Variants in TTC1 observed in about 807,000 individuals in gnomAD.
TTC1 encodes the protein tetratricopeptide repeat protein 1.
A neutral mutation model predicts 37.6 loss-of-function variants in TTC1; 31 were observed. That is an observed-to-expected ratio of 0.82 (90% CI 0.62 to 1.11). The LOEUF is 1.11. Among genes scored for constraint, TTC1 ranks in the 50% most tolerant of loss-of-function variants. The pLI is 0.00. For missense variants in TTC1, 351 were observed against 339.0 expected, an observed-to-expected ratio of 1.04 and a Z score of -0.28; for synonymous variants, 127 against 122.4, an observed-to-expected ratio of 1.04 and a Z score of -0.25.
At chr5:160,064,675 A>C (rs868387896) in intron 7 of TTC1, among the ~76,000 whole-genome samples, 1 of 152,150 alleles carries the variant, frequency 6.6e-6, no homozygotes, top group Non-Finnish European at 1.5e-5. Context: ...TGATTCCCAG[A>C]GAGAGCCAGC....
In TTC1 at chr5:160,023,645, T is replaced by C; in HGVS notation, c.331-11495T>C. 4.7e-6 allele frequency: 5 copies of C among 1,062,248 alleles called. 1 individual carries two copies. The South Asian group carries it at 7.2e-5, about 15-fold the overall frequency. The allele number at this position is 1,062,248 out of a possible 1,614,324, so 65.8% of individuals were successfully genotyped here. On this transcript the variant is annotated intron_variant, in intron 2 of 7. Transcript: ENST00000231238. ...ACAGATCCAGATGGACACAGGTGAC[T>C]AAGCTTCCAAATACAAGGCTCAATG... is the stretch of plus-strand genomic sequence containing the variant.
At position 160,035,152 on chromosome 5, in the gene TTC1, G is replaced by T; in HGVS notation, c.343G>T (p.Glu115Ter). ...SDEEKQKRRE[E>*]STRLKEEGNE... ...TGATGTCTTTCAGAAAAGAAGAGAA[G>T]AGAGCACTAGACTAAAGGAGGAGGG... Residue 115 changes from glutamate to a stop codon, truncating the protein, a stop_gained, in exon 3 of 8, where the codon GAG becomes TAG. Transcript: ENST00000231238. LOFTEE classifies it high-confidence loss of function. 1 of 1,600,898 alleles carries T rather than the reference G, an allele frequency of 6.2e-7. No homozygotes were observed. The highest frequency in any genetic ancestry group is 1.1e-5 in the South Asian group (1 of 87,980).
At chr5:160,041,042 C>T (rs1189347566) in intron 4 of TTC1, among the ~76,000 whole-genome samples, 2 of 151,810 alleles carry the variant, frequency 1.3e-5, no homozygotes, top group Non-Finnish European at 2.9e-5. Context: ...GCATCAGTAT[C>T]ACTGTCTTCC....
chr5:160,052,595 A>G (rs188499662), intron 7 of TTC1, among the ~76,000 whole-genome samples: 1 of 134,038 alleles, frequency 7.5e-6, no homozygotes, highest in Non-Finnish European at 1.6e-5. Flanking sequence ...TTAGTATTTG[A>G]ATTTCTTGCT....
chr5:160,010,965 C>G (rs1466828230), intron 2 of TTC1, 107 bp downstream of exon 2: 14 of 1,093,364 alleles, frequency 1.3e-5, no homozygotes, highest in Non-Finnish European at 1.8e-5. Flanking sequence ...ATAACTTGCC[C>G]CTTTGTCTTC....
At chr5:160,032,985 A>G (rs1756938722) in intron 2 of TTC1, among the ~76,000 whole-genome samples, 1 of 151,874 alleles carries the variant, frequency 6.6e-6, no homozygotes, top group Admixed American at 6.6e-5. Flanking sequence ...CAGCCTCCCA[A>G]AGTGCTGGGA....
intron 2 of TTC1, among the ~76,000 whole-genome samples, chr5:160,021,129 C>T (rs2176830): frequency 0.084 from 12,839 of 151,948 alleles, 710 homozygotes; most frequent in Admixed American, 0.18. Flanking sequence ...TGTGTCTAAG[C>T]ATCACAGGAA....
rs1023083093 is a variant in TTC1 at position 160,057,381 on chromosome 5, C to G, written c.745+6198C>G. 6.6e-6 allele frequency among the ~76,000 whole-genome samples: 1 copy of G among 151,486 alleles called. No homozygotes were observed. Among genetic ancestry groups the G allele is most frequent in the African/African-American group, 2.4e-5 (1 of 41,212 alleles). ...TATGTTTATATAATACTGTAGTCTA[C>G]TAAGTATGCAACAGCACTGTGTCTA... On this transcript the variant is annotated intron_variant, in intron 7 of 7. Coordinates refer to ENST00000231238, the MANE Select transcript of TTC1 (RefSeq NM_003314.3). This position sits in a 1 kb window ranked among gnomAD's most constrained non-coding sequence, Gnocchi z 4.4.
At chr5:160,036,904 C>A in intron 4 of TTC1, 101 bp downstream of exon 4, 1 of 741,750 alleles carries the variant, frequency 1.3e-6, no homozygotes, top group East Asian at 2.7e-5. Flanking sequence ...TGCTGCCTCC[C>A]TTTTCCTGCC....
At chr5:160,031,090 A>T (rs1182450095) in intron 2 of TTC1, among the ~76,000 whole-genome samples, 1 of 152,170 alleles carries the variant, frequency 6.6e-6, no homozygotes, top group Non-Finnish European at 1.5e-5. Flanking sequence ...AAAAAACTCC[A>T]GTCTTTGTAC....
intron 4 of TTC1, among the ~76,000 whole-genome samples, chr5:160,040,649 G>A (rs980769890): frequency 2.0e-5 from 3 of 152,018 alleles, no homozygotes; most frequent in Non-Finnish European, 4.4e-5. Context: ...CACAGTCATC[G>A]CTCACTACAG....
At chr5:160,016,260 C>T (rs1581092432) in intron 2 of TTC1, among the ~76,000 whole-genome samples, 1 of 152,072 alleles carries the variant, frequency 6.6e-6, no homozygotes, top group East Asian at 1.9e-4. Context: ...CACCTATAGT[C>T]CCAGCTACTT....
chr5:160,046,472 C>T (rs1228474244), intron 5 of TTC1, among the ~76,000 whole-genome samples: 1 of 152,032 alleles, frequency 6.6e-6, no homozygotes, highest in South Asian at 2.1e-4. Flanking sequence ...CTTAGTTGAG[C>T]GTGGGACCCT....
intron 2 of TTC1, among the ~76,000 whole-genome samples, chr5:160,016,818 G>A (rs1756614908): frequency 6.6e-6 from 1 of 152,134 alleles, no homozygotes; most frequent in African/African-American, 2.4e-5. Context: ...GTTTCTTGTT[G>A]GACACAACCA....
At position 160,065,309 on chromosome 5, in the gene TTC1, G is replaced by A. The variant is rs1252978311; in HGVS notation, c.*244G>A. ...CTGTGCAGCTGGTGTCCCCGATTCT[G>A]GCTGTCCTATGTCCAGGAAGAAGCC... On this transcript the variant is annotated 3_prime_UTR_variant, in exon 8 of 8. Transcript: ENST00000231238. The A allele has an allele frequency of 1.6e-6, 1 of 639,732 alleles. No homozygotes were observed. Among genetic ancestry groups the A allele is most frequent in the Admixed American group, 2.1e-5 (1 of 47,318 alleles). 39.6% of individuals were successfully genotyped at this position (639,732 alleles called of 1,614,324 possible).
chr5:160,039,102 T>A (rs1474223057), intron 4 of TTC1: 1 of 152,160 alleles, frequency 6.6e-6, no homozygotes, highest in African/African-American at 2.4e-5. Flanking sequence ...CTTTAAGAGG[T>A]AAAGATGAAG....
chr5:160,014,936 G>C (rs901173542), intron 2 of TTC1, among the ~76,000 whole-genome samples: 1 of 152,110 alleles, frequency 6.6e-6, no homozygotes, highest in African/African-American at 2.4e-5. Flanking sequence ...CTTTGTCCCT[G>C]GTTCCTGTTA....
chr5:160,058,277 G>A (rs1401743036), intron 7 of TTC1, among the ~76,000 whole-genome samples: 3 of 152,298 alleles, frequency 2.0e-5, no homozygotes, highest in Middle Eastern at 3.4e-3. Flanking sequence ...CACCACATCT[G>A]CAGCAACTTC....
intron 4 of TTC1, among the ~76,000 whole-genome samples, chr5:160,039,794 T>G (rs59290331): frequency 0.095 from 14,472 of 152,242 alleles, 825 homozygotes; most frequent in Admixed American, 0.19. Flanking sequence ...GTTATACAGA[T>G]TACTTACAGG....
Sources: allele counts gnomAD v4.1 joint callset (sites outside exome capture counted in the v4.1 genomes callset), GRCh38; gene constraint gnomAD v4.1.1; non-coding constraint Gnocchi (gnomAD v3.1); transcripts MANE v1.5; gene names NCBI Gene and HGNC (gene_info 2026-07-23, HGNC 2026-07-21).